Variants in UBAC2 observed in about 807,000 individuals in gnomAD.
The protein encoded by UBAC2 is ubiquitin-associated domain-containing protein 2.
Under a neutral mutation model 44.0 loss-of-function variants are expected in UBAC2, and 26 were observed. The ratio of observed to expected loss-of-function variants is 0.59; its 90% CI spans 0.43 to 0.82. The LOEUF is 0.82. Among genes scored for constraint, UBAC2 ranks in the 40% least tolerant of loss-of-function variants. The pLI is 0.00. For synonymous variants in UBAC2, 155 were observed against 154.3 expected, an observed-to-expected ratio of 1.00 and a Z score of -0.04; for missense variants, 329 against 419.4, an observed-to-expected ratio of 0.78 and a Z score of 1.88.
chr13:99,215,840 C>G (rs1484661514), intron 1 of UBAC2: 1 of 531,082 alleles, frequency 1.9e-6, no homozygotes, highest in South Asian at 4.0e-5. Flanking sequence ...ACTCCTTCAT[C>G]GCACCGTGAT....
chr13:99,381,063 A>G (rs1172552806), intron 8 of UBAC2, among the ~76,000 whole-genome samples: 2 of 152,256 alleles, frequency 1.3e-5, no homozygotes, highest in African/African-American at 4.8e-5. Context: ...GTCTGAGAGA[A>G]TGAACTCAGA....
intron 4 of UBAC2, among the ~76,000 whole-genome samples, chr13:99,308,341 G>A (rs1199568489): frequency 2.6e-5 from 4 of 152,140 alleles, no homozygotes; most frequent in Admixed American, 2.6e-4. Context: ...ATGCTTTGTA[G>A]GCATAGGGTC....
At chr13:99,355,760 G>C (rs185730541) in intron 7 of UBAC2, among the ~76,000 whole-genome samples, 198 of 152,342 alleles carry the variant, frequency 1.3e-3, no homozygotes, top group Middle Eastern at 6.8e-3. Context: ...AGCGTGCTTG[G>C]TGCCACAAGC....
intron 4 of UBAC2, among the ~76,000 whole-genome samples, chr13:99,251,053 A>G (rs917066755): frequency 1.3e-5 from 2 of 152,044 alleles, no homozygotes; most frequent in Non-Finnish European, 1.5e-5. Context: ...AAGCCTGGCC[A>G]TCTTTGATTT....
chr13:99,210,526 G>A (rs2042925919), intron 1 of UBAC2, among the ~76,000 whole-genome samples: 1 of 146,356 alleles, frequency 6.8e-6, no homozygotes, highest in African/African-American at 2.5e-5. Context: ...TGCCCATGCT[G>A]GAGTGCAATG....
chr13:99,281,059 A>G (rs1206315732), intron 4 of UBAC2, among the ~76,000 whole-genome samples: 1 of 151,958 alleles, frequency 6.6e-6, no homozygotes, highest in East Asian at 1.9e-4. Flanking sequence ...GTTGGCGGGC[A>G]CCTGTAATCC....
At chr13:99,242,333 A>C (rs1316720335) in intron 2 of UBAC2, among the ~76,000 whole-genome samples, 1,374 of 133,542 alleles carry the variant, frequency 0.01, 7 homozygotes, top group East Asian at 0.02. Context: ...CGGGGGGCTG[A>C]CCCCCCCACC....
chr13:99,317,089 C>CA (rs1454064713), intron 5 of UBAC2, among the ~76,000 whole-genome samples: 1 of 152,206 alleles, frequency 6.6e-6, no homozygotes, highest in Non-Finnish European at 1.5e-5. Flanking sequence ...ATCACTAGAG[C>CA]AAAGCTTGCC....
intron 6 of UBAC2, among the ~76,000 whole-genome samples, chr13:99,336,930 T>G (rs537117024): frequency 6.6e-6 from 1 of 151,218 alleles, no homozygotes; most frequent in African/African-American, 2.4e-5. Flanking sequence ...CCTCTCTTCC[T>G]CCTTCCCACC....
At chr13:99,324,277 C>T (rs1594127981) in intron 6 of UBAC2, among the ~76,000 whole-genome samples, 1 of 152,226 alleles carries the variant, frequency 6.6e-6, no homozygotes, top group East Asian at 2.0e-4. Flanking sequence ...TCTGCATGCC[C>T]TGTTGACATC....
At chr13:99,347,523 C>T (rs992418245) in intron 7 of UBAC2, among the ~76,000 whole-genome samples, 6 of 152,002 alleles carry the variant, frequency 3.9e-5, no homozygotes, top group Non-Finnish European at 5.9e-5. Flanking sequence ...ACTGTGGTCA[C>T]GCTGGTCCCC....
chr13:99,237,825 C>G (rs1461967673), intron 1 of UBAC2, among the ~76,000 whole-genome samples: 2 of 151,986 alleles, frequency 1.3e-5, no homozygotes, highest in African/African-American at 2.4e-5. Flanking sequence ...CATGGTGGCA[C>G]GTGCCTGTAA....
chr13:99,300,544 C>T (rs914035213), intron 4 of UBAC2, among the ~76,000 whole-genome samples: 20 of 152,204 alleles, frequency 1.3e-4, no homozygotes, highest in African/African-American at 4.1e-4. Context: ...TTATAATCTT[C>T]CCTTAGAGAT....
chr13:99,339,794 G>A (rs1022757150), intron 6 of UBAC2, among the ~76,000 whole-genome samples: 2 of 152,160 alleles, frequency 1.3e-5, no homozygotes, highest in Non-Finnish European at 2.9e-5. Context: ...GATTTTAAAT[G>A]TCTAGAAAAA....
intron 7 of UBAC2, among the ~76,000 whole-genome samples, chr13:99,364,220 T>C (rs2045302090): frequency 6.6e-6 from 1 of 151,892 alleles, no homozygotes; most frequent in Admixed American, 6.6e-5. Context: ...TGTCTCTTCA[T>C]GAATGGGTAT....
At chr13:99,330,369 G>A (rs546529311) in intron 6 of UBAC2, among the ~76,000 whole-genome samples, 286 of 141,444 alleles carry the variant, frequency 2.0e-3, no homozygotes, top group Non-Finnish European at 3.2e-3. Flanking sequence ...TGAGGCAGGA[G>A]AATCGCTTGA....
chr13:99,292,037 T>TA (rs1463722483), intron 4 of UBAC2, among the ~76,000 whole-genome samples: 1 of 152,198 alleles, frequency 6.6e-6, no homozygotes, highest in Non-Finnish European at 1.5e-5. Context: ...TAGCATGTAA[T>TA]AAAGCAGTCG....
At chr13:99,355,431 G>A (rs2045163757) in intron 7 of UBAC2, among the ~76,000 whole-genome samples, 3 of 152,340 alleles carry the variant, frequency 2.0e-5, no homozygotes, top group African/African-American at 7.2e-5. Context: ...GTGTCACTCA[G>A]TCGAGGGAGT....
intron 7 of UBAC2, among the ~76,000 whole-genome samples, chr13:99,361,986 A>G (rs1234590878): frequency 1.3e-5 from 2 of 152,200 alleles, no homozygotes; most frequent in African/African-American, 4.8e-5. Flanking sequence ...CAGTCTGGAC[A>G]ATGTAGCAAG....
Sources: gnomAD v4.1 joint callset for allele counts (sites outside exome capture counted in the v4.1 genomes callset) on GRCh38, gnomAD v4.1.1 for gene constraint, MANE v1.5 for transcripts, NCBI Gene and HGNC (gene_info 2026-07-23, HGNC 2026-07-21) for gene names.